PWWP2A: variants seen among roughly 807,000 people sequenced by gnomAD.
The protein encoded by PWWP2A is PWWP domain-containing protein 2A.
In PWWP2A, 18 loss-of-function variants were observed where a neutral mutation model predicts 48.5. The ratio of observed to expected loss-of-function variants is 0.37; its 90% CI spans 0.26 to 0.55. The LOEUF (loss-of-function observed/expected upper bound fraction) is 0.55. Ranked by LOEUF, PWWP2A falls within the 20% of genes least tolerant of loss-of-function variation. The pLI, the probability that PWWP2A is intolerant of heterozygous loss-of-function variation, is 0.81. For missense variants in PWWP2A, 867 were observed against 976.4 expected (o/e 0.89, Z 1.49); for synonymous variants, 396 against 387.7 (o/e 1.02, Z -0.25).
At chr5:160,058,586 AT>A (rs756552316), downstream of PWWP2A, among the ~76,000 whole-genome samples, 14 of 151,180 alleles carry the variant, frequency 9.3e-5, no homozygotes, top group Non-Finnish European at 1.9e-4. Context: ...AATTTTTTGT[AT>A]TTTTTAGTAG....
At chr5:160,066,295 C>CTTTTTTTTTTTTTTTTTTTTT (rs748083955) in intron 4 of PWWP2A, among the ~76,000 whole-genome samples, 3 of 57,948 alleles carry the variant, frequency 5.2e-5, no homozygotes, top group African/African-American at 1.7e-4. Context: ...AAGTGGTTCT[C>CTTTTTTTTTTTTTTTTTTTTT]ATTTTTTTTT....
exon 4 of PWWP2A, chr5:160,076,367 C>T (rs930192474): frequency 3.9e-5 from 6 of 152,046 alleles, no homozygotes; most frequent in Non-Finnish European, 7.4e-5. Context: ...GAAGTGAGCC[C>T]GAAAGTACTG....
chr5:160,089,404 G>A (rs111226696), downstream of PWWP2A: 2,221 of 412,070 alleles, frequency 5.4e-3, 50 homozygotes, highest in African/African-American at 0.044. Context: ...CAGCGGGGAC[G>A]GGGGTCTATG....
chr5:160,105,599 C>A (rs187705467), intron 1 of PWWP2A: 17 of 634,854 alleles, frequency 2.7e-5, no homozygotes, highest in Non-Finnish European at 3.3e-5. Flanking sequence ...AGCAAGCATG[C>A]CAGAAGGGGA....
chr5:160,097,075 G>A (rs1581214109), intron 1 of PWWP2A, among the ~76,000 whole-genome samples: 2 of 152,012 alleles, frequency 1.3e-5, no homozygotes, highest in South Asian at 4.1e-4. Context: ...AGTGGCTCAC[G>A]TCTGCAATCC....
chr5:160,081,792 G>C (rs200584058), intron 2 of PWWP2A, among the ~76,000 whole-genome samples: 1 of 152,016 alleles, frequency 6.6e-6, no homozygotes, highest in Non-Finnish European at 1.5e-5. Flanking sequence ...TGGCTTGTTT[G>C]CTTACTTTCC....
intron 1 of PWWP2A, among the ~76,000 whole-genome samples, chr5:160,118,413 GC>G (rs1758349159): frequency 6.7e-6 from 1 of 149,040 alleles, no homozygotes; most frequent in Admixed American, 6.7e-5. Context: ...CGCAAGCAAT[GC>G]CCCCCGCCCC....
At position 160,118,983 on chromosome 5, in the gene PWWP2A, G is replaced by A; in HGVS notation, c.406C>T (p.Pro136Ser). The A allele has an allele frequency of 6.3e-7, 1 of 1,597,466 alleles. No individual in the cohort carries two copies. Among genetic ancestry groups the A allele is most frequent in the South Asian group, 1.1e-5 (1 of 89,718 alleles). The stretch of plus-strand genomic sequence containing the variant: ...ACGAGCGCCGGGGCTACGGGCTGAG[G>A]CAGCGGCGGCTCCTCGCGCTCCTCG... The part of the protein sequence containing the change: ...APEEREEPPL[P>S]QPVAPALVPP... The change falls in exon 1 of 2, where the codon CCT becomes TCT. Residue 136 changes from proline to serine, a missense_variant. Coordinates refer to ENST00000307063, the MANE Select transcript of PWWP2A (RefSeq NM_001130864.2).
chr5:160,045,486 A>G, the PWWP2A span, among the ~76,000 whole-genome samples: 3 of 120,040 alleles, frequency 2.5e-5, no homozygotes, highest in South Asian at 9.3e-4. Context: ...ACACACACAC[A>G]CACACACACA....
the PWWP2A span, among the ~76,000 whole-genome samples, chr5:160,054,024 A>G: frequency 6.6e-6 from 1 of 152,198 alleles, no homozygotes; most frequent in African/African-American, 2.4e-5. Context: ...TGATAGCATC[A>G]AGACGATCAC....
downstream of PWWP2A, among the ~76,000 whole-genome samples, chr5:160,071,017 A>G (rs184020690): frequency 3.5e-4 from 53 of 152,250 alleles, no homozygotes; most frequent in African/African-American, 1.2e-3. Flanking sequence ...GCGAAACCCT[A>G]TCTTTAGTAA....
Position 160,078,080 on chromosome 5 carries a change from T to TC in PWWP2A, c.*74dup. The TC allele has an allele frequency of 7.5e-7, 1 of 1,328,830 alleles. No individual in the cohort carries two copies. The highest frequency in any genetic ancestry group is 2.0e-5 in the Admixed American group (1 of 49,938). The allele number at this position is 1,328,830 out of a possible 1,614,324, so 82.3% of individuals were successfully genotyped here. A position where few individuals can be genotyped will look rare whatever the true frequency, so the allele number is the denominator to read the frequency against. On this transcript the variant is annotated 3_prime_UTR_variant, in exon 4 of 4. Coordinates refer to the PWWP2A transcript ENST00000456329. This position sits in a 1 kb window ranked among gnomAD's most constrained non-coding sequence, Gnocchi z 4.2. ...TACTTCTTAGTGCAGCTTTAAAAAC[T>TC]CCAATTTCATTCAGTCCTGATGCTC...
intron 2 of PWWP2A, among the ~76,000 whole-genome samples, chr5:160,067,299 A>T (rs1325959765): frequency 6.6e-6 from 1 of 152,138 alleles, no homozygotes; most frequent in Non-Finnish European, 1.5e-5. Context: ...TTGTCTTATG[A>T]AAATAGCTTT....
At chr5:160,104,059 G>A (rs1301684836) in intron 1 of PWWP2A, among the ~76,000 whole-genome samples, 5 of 144,692 alleles carry the variant, frequency 3.5e-5, no homozygotes, top group Non-Finnish European at 7.4e-5. Flanking sequence ...GGGAGGCGGA[G>A]GTTGCAGTGA....
the PWWP2A span, among the ~76,000 whole-genome samples, chr5:160,047,910 C>G: frequency 6.6e-6 from 1 of 152,054 alleles, no homozygotes; most frequent in African/African-American, 2.4e-5. Context: ...AGTACTATGG[C>G]TATTGAAATT....
chr5:160,102,397 C>CAAAAAAA (rs70988002), intron 1 of PWWP2A, among the ~76,000 whole-genome samples: 1 of 64,220 alleles, frequency 1.6e-5, no homozygotes, highest in African/African-American at 6.5e-5. Context: ...GACTCCATCT[C>CAAAAAAA]AAAAAAAAAA....
rs1491415590 is a variant in PWWP2A at position 160,109,821 on chromosome 5, TAA to T, written c.584+8982_584+8983del. 2.2e-3 allele frequency among the ~76,000 whole-genome samples: 192 copies of T among 86,762 alleles called. 3 individuals are homozygous for T. Among genetic ancestry groups the T allele is most frequent in the African/African-American group, 8.3e-3 (182 of 21,968 alleles). The allele number at this position is 86,762 out of a possible 152,430, so 56.9% of individuals were successfully genotyped here. A position where few individuals can be genotyped will look rare whatever the true frequency, so the allele number is the denominator to read the frequency against. On this transcript the variant is annotated intron_variant, in intron 1 of 1. Coordinates refer to ENST00000307063, the MANE Select transcript of PWWP2A (RefSeq NM_001130864.2). ...TATATATATATATAAAATAATATAA[TAA>T]TATATATATATATATATATCCAGAA... is the stretch of plus-strand genomic sequence containing the variant.
At chr5:160,110,453 T>A (rs1010574760) in intron 1 of PWWP2A, among the ~76,000 whole-genome samples, 1 of 152,158 alleles carries the variant, frequency 6.6e-6, no homozygotes, top group East Asian at 1.9e-4. Context: ...AAGCCTGTAA[T>A]CCCAGCACTT....
chr5:160,119,078 G>A lies in PWWP2A; in HGVS notation c.311C>T (p.Ala104Val). 4 of 1,588,482 alleles carry A rather than the reference G, an allele frequency of 2.5e-6. No individual in the cohort carries two copies. The highest frequency in any genetic ancestry group is 2.2e-5 in the South Asian group (2 of 90,288). The change falls in exon 1 of 2, where the codon GCA becomes GTA. Residue 104 changes from alanine (A) to valine (V), a missense_variant. Physicochemically the swap from Ala to Val is moderately conservative, Grantham distance 64 (BLOSUM62 0). Transcript: ENST00000307063. ...KLSVRVAESA[A>V]AAPQGGPELP... ...TTCCGGCCCTCCCTGAGGCGCGGCT[G>A]CCGCCGACTCCGCCACCCGAACGGA... is the stretch of plus-strand genomic sequence containing the variant.
Sources: allele counts gnomAD v4.1 joint callset (sites outside exome capture counted in the v4.1 genomes callset), GRCh38; gene constraint gnomAD v4.1.1; non-coding constraint Gnocchi (gnomAD v3.1); transcripts MANE v1.5; gene names NCBI Gene and HGNC (gene_info 2026-07-23, HGNC 2026-07-21).